Variants in SDK1 observed in about 807,000 individuals in gnomAD.
SDK1 encodes protein sidekick-1.
In SDK1, 157 loss-of-function variants were observed where a neutral mutation model predicts 245.5. The observed-to-expected ratio is 0.64, with a 90% CI of 0.56 to 0.73. SDK1 has a LOEUF of 0.73. Ranked by LOEUF, SDK1 falls within the 30% of genes least tolerant of loss-of-function variation. The pLI is 0.00. For missense variants in SDK1, 3,583 were observed against 3,002.3 expected, an observed-to-expected ratio of 1.19 and a Z score of -4.52; for synonymous variants, 1,647 against 1,278.5, an observed-to-expected ratio of 1.29 and a Z score of -6.15.
At chr7:3,732,733 G>T (rs181941568) in intron 4 of SDK1, among the ~76,000 whole-genome samples, 1 of 152,188 alleles carries the variant, frequency 6.6e-6, no homozygotes, top group Non-Finnish European at 1.5e-5. Context: ...GACAGAGAGG[G>T]TACGAAAACT....
intron 1 of SDK1, among the ~76,000 whole-genome samples, chr7:3,465,518 G>C (rs568978190): frequency 6.6e-6 from 1 of 152,236 alleles, no homozygotes; most frequent in African/African-American, 2.4e-5. Flanking sequence ...ACCCACAGAA[G>C]CTTCCTTTTC....
chr7:3,999,767 T>C (rs1423705037), intron 14 of SDK1, among the ~76,000 whole-genome samples: 2 of 152,204 alleles, frequency 1.3e-5, no homozygotes, highest in African/African-American at 2.4e-5. Context: ...TACAAAGTAA[T>C]ACATGCTCAT....
At chr7:3,824,498 G>C (rs530994851) in intron 5 of SDK1, among the ~76,000 whole-genome samples, 1 of 152,146 alleles carries the variant, frequency 6.6e-6, no homozygotes, top group Non-Finnish European at 1.5e-5. Flanking sequence ...TAAAATCGGA[G>C]TGTCATGCAG....
At chr7:4,124,006 G>A (rs750105319) in intron 25 of SDK1, among the ~76,000 whole-genome samples, 2 of 152,216 alleles carry the variant, frequency 1.3e-5, no homozygotes, top group Non-Finnish European at 2.9e-5. Context: ...TGAGGGTTGC[G>A]GTGAGGCCAC....
chr7:3,555,724 G>A (rs571017065), intron 1 of SDK1, among the ~76,000 whole-genome samples: 4 of 152,032 alleles, frequency 2.6e-5, no homozygotes, highest in Non-Finnish European at 4.4e-5. Context: ...AACTCTATAG[G>A]AAAATATTTA....
At chr7:3,611,761 C>T (rs114710632) in intron 1 of SDK1, among the ~76,000 whole-genome samples, 3 of 151,738 alleles carry the variant, frequency 2.0e-5, no homozygotes, top group African/African-American at 4.8e-5. Flanking sequence ...AAATGCAAAT[C>T]GAAACCACAA....
At chr7:4,191,219 T>C (rs950848564) in intron 35 of SDK1, among the ~76,000 whole-genome samples, 2 of 151,108 alleles carry the variant, frequency 1.3e-5, no homozygotes, top group South Asian at 2.1e-4. Flanking sequence ...GCAGTCACGG[T>C]GGGTGTCCTC....
chr7:3,941,771 C>T (rs1780377133), intron 5 of SDK1, among the ~76,000 whole-genome samples: 1 of 152,198 alleles, frequency 6.6e-6, no homozygotes, highest in Non-Finnish European at 1.5e-5. Flanking sequence ...GGACGTTAGG[C>T]AGTTCAACTT....
At chr7:4,102,366 G>A (rs545980814) in intron 22 of SDK1, among the ~76,000 whole-genome samples, 3 of 152,292 alleles carry the variant, frequency 2.0e-5, no homozygotes, top group South Asian at 2.1e-4. Flanking sequence ...GTTGCTAGAC[G>A]TGCAAGTTTT....
At chr7:3,668,236 G>C (rs945201414) in intron 4 of SDK1, among the ~76,000 whole-genome samples, 36 of 152,162 alleles carry the variant, frequency 2.4e-4, no homozygotes, top group African/African-American at 8.0e-4. Context: ...GAGTGGGAAG[G>C]CTTATCTTTG....
At chr7:3,429,874 A>G (rs1406380854) in intron 1 of SDK1, among the ~76,000 whole-genome samples, 1 of 152,116 alleles carries the variant, frequency 6.6e-6, no homozygotes, top group Non-Finnish European at 1.5e-5. Flanking sequence ...TACAGGCATG[A>G]GCCACCATGA....
intron 5 of SDK1, among the ~76,000 whole-genome samples, chr7:3,885,158 C>T (rs1781307611): frequency 6.6e-6 from 1 of 152,130 alleles, no homozygotes; most frequent in African/African-American, 2.4e-5. Flanking sequence ...ATGTCCACAA[C>T]GCGAGGGCTG....
intron 5 of SDK1, among the ~76,000 whole-genome samples, chr7:3,885,046 A>G (rs928545573): frequency 2.1e-5 from 3 of 141,368 alleles, no homozygotes; most frequent in African/African-American, 7.6e-5. Flanking sequence ...ACCCCGCCCC[A>G]TCTCTGCCAA....
chr7:3,586,309 G>A (rs1357771429), intron 1 of SDK1, among the ~76,000 whole-genome samples: 3 of 152,204 alleles, frequency 2.0e-5, no homozygotes, highest in South Asian at 2.1e-4. Flanking sequence ...TCATGAGTGG[G>A]AGGAAGTGCA....
chr7:4,181,860 G>C (rs981951160), intron 35 of SDK1, among the ~76,000 whole-genome samples: 13 of 152,202 alleles, frequency 8.5e-5, no homozygotes, highest in African/African-American at 2.9e-4. Context: ...CACCCACCCA[G>C]AGTGCCCTGT....
At chr7:4,051,046 GTATAC>G (rs957867380) in intron 18 of SDK1, among the ~76,000 whole-genome samples, 8 of 138,442 alleles carry the variant, frequency 5.8e-5, no homozygotes, top group Non-Finnish European at 7.6e-5. Flanking sequence ...GTTATATATA[GTATAC>G]TATACATATA....
intron 4 of SDK1, among the ~76,000 whole-genome samples, chr7:3,810,311 C>A: frequency 6.6e-6 from 1 of 152,136 alleles, no homozygotes; most frequent in East Asian, 1.9e-4. Context: ...AACATGTATT[C>A]CGCACATTTT....
At position 3,691,197 on chromosome 7, in the gene SDK1, G is replaced by A. The variant is rs1311932744; in HGVS notation, c.713+49092G>A. ...TCAAATGTATACGAAAAGCAATAGAGAATTCTGGACTTTAGATTTGCAAGA... is the reference window on the plus strand; with the variant it reads ...TCAAATGTATACGAAAAGCAATAGAAAATTCTGGACTTTAGATTTGCAAGA... On this transcript the variant is annotated intron_variant, in intron 4 of 44. Transcript: ENST00000404826. Among the ~76,000 whole-genome samples the A allele has an allele frequency of 3.3e-5, 5 of 150,852 alleles. No individual in the cohort carries two copies. The South Asian group carries it at 1.0e-3, about 32-fold the overall frequency.
intron 1 of SDK1, among the ~76,000 whole-genome samples, chr7:3,512,884 T>C (rs1265749888): frequency 5.3e-5 from 8 of 152,194 alleles, no homozygotes; most frequent in African/African-American, 1.7e-4. Flanking sequence ...GTAACAGGTA[T>C]GTAATTATAA....
Sources: allele counts gnomAD v4.1 joint callset (sites outside exome capture counted in the v4.1 genomes callset), GRCh38; gene constraint gnomAD v4.1.1; transcripts MANE v1.5; gene names NCBI Gene and HGNC (gene_info 2026-07-23, HGNC 2026-07-21).